Variants in KLKB1 observed in about 807,000 individuals in gnomAD.
The protein encoded by KLKB1 is kallikrein B1.
In KLKB1, 58 loss-of-function variants were observed where a neutral mutation model predicts 73.6. The observed-to-expected ratio is 0.79, with a 90% confidence interval of 0.64 to 0.98. The LOEUF is 0.98. KLKB1 is among the 50% of genes least tolerant of loss of function. KLKB1 has a pLI of 0.00. For synonymous variants in KLKB1, 280 were observed against 258.1 expected, an observed-to-expected ratio of 1.08 and a Z score of -0.81; for missense variants, 737 against 763.8, an observed-to-expected ratio of 0.96 and a Z score of 0.41.
chr4:186,233,509 T>G (rs1432191365), intron 3 of KLKB1, among the ~76,000 whole-genome samples: 1 of 152,204 alleles, frequency 6.6e-6, no homozygotes, highest in Non-Finnish European at 1.5e-5. Context: ...GAAATTAACA[T>G]GAAGGTGGAC....
chr4:186,244,090 G>T (rs557941707), intron 6 of KLKB1, among the ~76,000 whole-genome samples: 1 of 152,252 alleles, frequency 6.6e-6, no homozygotes, highest in East Asian at 1.9e-4. Context: ...TTTTGACTGC[G>T]CAGCCCTGCA....
rs149279838 is a variant in KLKB1 at position 186,254,730 on chromosome 4, T to C, written c.1456T>C (p.Leu486=). 26 of 1,613,918 alleles carry C rather than the reference T, an allele frequency of 1.6e-5. No individual in the cohort carries two copies. Among genetic ancestry groups the C allele is most frequent in the Non-Finnish European group, 2.1e-5 (25 of 1,179,800 alleles). The change falls in exon 12 of 15, where the codon TTG becomes CTG. Residue 486 remains leucine (L), a synonymous_variant. Coordinates refer to ENST00000264690, the MANE Select transcript of KLKB1 (RefSeq NM_000892.5). ...KVSEGNHDIA[L]IKLQAPLNYT... ...CTCAGAAGGGAATCATGATATCGCC[T>C]TGATAAAACTCCAGGCTCCTTTGAA... is the stretch of plus-strand genomic sequence containing the variant.
At chr4:186,256,456 G>A (rs2126679829) in intron 13 of KLKB1, among the ~76,000 whole-genome samples, 1 of 152,312 alleles carries the variant, frequency 6.6e-6, no homozygotes, top group African/African-American at 2.4e-5. Context: ...CGGGAGCACA[G>A]GCAGGTGTGT....
chr4:186,242,295 G>A (rs138250120), intron 6 of KLKB1, among the ~76,000 whole-genome samples: 1 of 149,924 alleles, frequency 6.7e-6, no homozygotes, highest in Non-Finnish European at 1.5e-5. Context: ...AGATGTATAC[G>A]TGCAGGCCTG....
intron 6 of KLKB1, among the ~76,000 whole-genome samples, chr4:186,241,825 A>C (rs1431708918): frequency 6.6e-6 from 1 of 152,236 alleles, no homozygotes; most frequent in Non-Finnish European, 1.5e-5. Context: ...GAAATAGAGA[A>C]TGTCCTAGAA....
chr4:186,221,431 T>C (rs1737030489), intron 2 of KLKB1, among the ~76,000 whole-genome samples: 1 of 152,082 alleles, frequency 6.6e-6, no homozygotes, highest in South Asian at 2.1e-4. Flanking sequence ...TTTATCGCTA[T>C]AAACTTCCTT....
At chr4:186,247,035 A>G (rs891700447) in intron 6 of KLKB1, among the ~76,000 whole-genome samples, 2 of 152,242 alleles carry the variant, frequency 1.3e-5, no homozygotes, top group African/African-American at 2.4e-5. Flanking sequence ...GGATAGGGAG[A>G]GAGGTTGGAT....
At chr4:186,233,363 CTATG>C (rs1214933972) in intron 3 of KLKB1, among the ~76,000 whole-genome samples, 1 of 152,170 alleles carries the variant, frequency 6.6e-6, no homozygotes, top group Non-Finnish European at 1.5e-5. Context: ...CATCTTCACT[CTATG>C]TGAGTTTACC....
intron 6 of KLKB1, among the ~76,000 whole-genome samples, chr4:186,242,141 C>T (rs558340401): frequency 2.9e-4 from 40 of 136,734 alleles, no homozygotes; most frequent in Non-Finnish European, 4.1e-4. Flanking sequence ...TGTTCTCTGG[C>T]GGGCAGCGGT....
rs372957856 is a variant in KLKB1 at position 186,250,325 on chromosome 4, T to C, written c.681T>C (p.Cys227=). ...TTCTCACTCCAGATGCTTTTGTGTG[T>C]CGGACCATCTGCACCTATCACCCCA... is the stretch of plus-strand genomic sequence containing the variant. ...ARVLTPDAFV[C]RTICTYHPNC... is the part of the protein sequence containing the mutation. Residue 227 remains cysteine, a synonymous_variant, in exon 7 of 15, where the codon TGT becomes TGC. Coordinates refer to ENST00000264690, the MANE Select transcript of KLKB1 (RefSeq NM_000892.5). 1 of 1,613,974 alleles carries C rather than the reference T, an allele frequency of 6.2e-7. No homozygotes were observed. The highest frequency in any genetic ancestry group is 1.3e-5 in the African/African-American group (1 of 74,924).
intron 2 of KLKB1, among the ~76,000 whole-genome samples, chr4:186,218,851 CA>C (rs373316889): frequency 7.9e-5 from 12 of 152,098 alleles, no homozygotes; most frequent in African/African-American, 2.7e-4. Flanking sequence ...TGAAGTCCCA[CA>C]ATAGTCTGCC....
chr4:186,212,312 A>G (rs2126606375), intron 2 of KLKB1: 1 of 152,276 alleles, frequency 6.6e-6, no homozygotes, highest in South Asian at 2.1e-4. Flanking sequence ...AAAGGAAGCC[A>G]TTCATCTATA....
Position 186,257,383 on chromosome 4 carries a change from G to A in KLKB1, c.1725+18G>A, listed in dbSNP as rs1185101596. ...CTTGTAAGGTAACTCATGAGATTAT[G>A]AAAAACACAATAGGCTGCTTGAGAA... On this transcript the variant is annotated intron_variant, in intron 14 of 14. Transcript: ENST00000264690. 1 of 1,569,498 alleles carries A rather than the reference G, an allele frequency of 6.4e-7. No individual in the cohort carries two copies. The highest frequency in any genetic ancestry group is 8.6e-7 in the Non-Finnish European group (1 of 1,156,580).
At chr4:186,246,590 G>A (rs1431228248) in intron 6 of KLKB1, among the ~76,000 whole-genome samples, 7 of 152,200 alleles carry the variant, frequency 4.6e-5, no homozygotes, top group African/African-American at 1.7e-4. Flanking sequence ...TTTTAGGTCA[G>A]GTGTGAGTTG....
chr4:186,251,633 G>A lies in KLKB1; in HGVS notation c.1015G>A (p.Asp339Asn), dbSNP rs145972257. 98 of 1,614,072 alleles carry A rather than the reference G, an allele frequency of 6.1e-5. 1 individual carries two copies. Among genetic ancestry groups the A allele is most frequent in the Non-Finnish European group, 7.8e-5 (92 of 1,179,988 alleles). The change falls in exon 9 of 15, where the codon GAC (aspartate) becomes AAC (asparagine). Residue 339 changes from aspartate to asparagine, a missense_variant. Asp to Asn is a conservative substitution (Grantham distance 23). Transcript: ENST00000264690. ...QFFTYSLLPE[D>N]CKEEKCKCFL... is the part of the protein sequence containing the mutation. The stretch of plus-strand genomic sequence containing the variant: ...TTTCACTTATTCTTTACTCCCAGAA[G>A]ACTGTAAGGAAGAGAAGTAAAGGAA...
At chr4:186,215,940 TTTA>T (rs1357458852) in intron 2 of KLKB1, among the ~76,000 whole-genome samples, 3 of 152,132 alleles carry the variant, frequency 2.0e-5, no homozygotes, top group African/African-American at 7.2e-5. Flanking sequence ...CCAGTGTTGG[TTTA>T]TTATTACCAA....
chr4:186,246,744 C>T (rs554614107), intron 6 of KLKB1, among the ~76,000 whole-genome samples: 1 of 152,046 alleles, frequency 6.6e-6, no homozygotes, highest in South Asian at 2.1e-4. Flanking sequence ...GTGCTTGCCC[C>T]CAGGAAAGTG....
At chr4:186,215,635 G>A (rs181675776) in intron 2 of KLKB1, among the ~76,000 whole-genome samples, 47 of 151,770 alleles carry the variant, frequency 3.1e-4, no homozygotes, top group African/African-American at 6.8e-4. Context: ...GTGCAGTGGC[G>A]CAATTGTGGC....
intron 2 of KLKB1, among the ~76,000 whole-genome samples, chr4:186,230,841 G>GA (rs375058226): frequency 3.3e-5 from 5 of 152,196 alleles, no homozygotes; most frequent in African/African-American, 1.2e-4. Context: ...CCAACTGTCT[G>GA]AAAAAAATAG....
Sources: gnomAD v4.1 joint callset for allele counts (sites outside exome capture counted in the v4.1 genomes callset) on GRCh38, gnomAD v4.1.1 for gene constraint, MANE v1.5 for transcripts, NCBI Gene and HGNC (gene_info 2026-07-23, HGNC 2026-07-21) for gene names.